Variants in GRID1 observed in about 807,000 individuals in gnomAD.
The protein encoded by GRID1 is glutamate receptor ionotropic, delta-1.
Under a neutral mutation model 98.0 loss-of-function variants are expected in GRID1, and 28 were observed. That is an observed-to-expected ratio of 0.29 (90% CI 0.21 to 0.39). GRID1 has a LOEUF of 0.39. Among genes scored for constraint, GRID1 ranks in the 10% least tolerant of loss-of-function variants. GRID1 has a pLI of 1.00. For missense variants in GRID1, 1,111 were observed against 1,340.5 expected (o/e 0.83, Z 2.67); for synonymous variants, 553 against 538.5 (o/e 1.03, Z -0.37).
At chr10:85,702,360 C>A (rs1841461273) in intron 12 of GRID1, among the ~76,000 whole-genome samples, 3 of 151,818 alleles carry the variant, frequency 2.0e-5, no homozygotes, top group Non-Finnish European at 2.9e-5. Context: ...GAAAGACAAA[C>A]CAAGGAACTC....
At chr10:85,886,741 T>TC (rs1841123327) in intron 5 of GRID1, among the ~76,000 whole-genome samples, 1 of 152,218 alleles carries the variant, frequency 6.6e-6, no homozygotes, top group African/African-American at 2.4e-5. Context: ...AGTAAGGATC[T>TC]CTTTTTTTCA....
intron 2 of GRID1, among the ~76,000 whole-genome samples, chr10:86,207,718 G>T (rs186488571): frequency 7.5e-6 from 1 of 132,906 alleles, no homozygotes; most frequent in African/African-American, 2.8e-5. Flanking sequence ...TGCAAGCTCC[G>T]CCTCCCGGGT....
chr10:85,969,272 A>G (rs1004842400), intron 4 of GRID1, among the ~76,000 whole-genome samples: 6 of 152,158 alleles, frequency 3.9e-5, no homozygotes, highest in African/African-American at 1.4e-4. Flanking sequence ...CTCACTTTCC[A>G]TAATTGGTAG....
intron 12 of GRID1, among the ~76,000 whole-genome samples, chr10:85,661,762 G>A (rs1445941808): frequency 6.6e-6 from 1 of 152,202 alleles, no homozygotes; most frequent in Non-Finnish European, 1.5e-5. Context: ...GGGATGAAAG[G>A]TAATGCACAA....
At chr10:85,881,647 G>A (rs1172395028) in intron 5 of GRID1, among the ~76,000 whole-genome samples, 1 of 152,174 alleles carries the variant, frequency 6.6e-6, no homozygotes, top group Non-Finnish European at 1.5e-5. Context: ...AGACTTAAAT[G>A]TTAGACCTAA....
At chr10:86,085,721 G>C (rs1013938862) in intron 4 of GRID1, among the ~76,000 whole-genome samples, 8 of 152,200 alleles carry the variant, frequency 5.3e-5, no homozygotes, top group African/African-American at 1.4e-4. Context: ...CCATATCCCT[G>C]GGGATCCCAG....
chr10:86,005,965 T>C (rs1842855842), intron 4 of GRID1, among the ~76,000 whole-genome samples: 1 of 152,220 alleles, frequency 6.6e-6, no homozygotes, highest in African/African-American at 2.4e-5. Flanking sequence ...TATTCAAGAT[T>C]CTGACAGAAT....
chr10:86,208,148 TC>T (rs925689373), intron 2 of GRID1, among the ~76,000 whole-genome samples: 2 of 149,482 alleles, frequency 1.3e-5, no homozygotes, highest in Admixed American at 6.7e-5. Context: ...AAGGGGAGGG[TC>T]CCCCCACACT....
intron 8 of GRID1, among the ~76,000 whole-genome samples, chr10:85,824,690 C>T (rs753877626): frequency 6.6e-6 from 1 of 151,998 alleles, no homozygotes; most frequent in South Asian, 2.1e-4. Flanking sequence ...CCCTCACCAC[C>T]CCCCCACCAC....
At position 86,313,065 on chromosome 10, in the gene GRID1, C is replaced by T. The variant is rs151082293; in HGVS notation, c.235+50876G>A. 5.4e-3 allele frequency among the ~76,000 whole-genome samples: 817 copies of T among 152,284 alleles called. 2 individuals are homozygous for T. Among genetic ancestry groups the T allele is most frequent in the Non-Finnish European group, 9.5e-3 (643 of 68,022 alleles). ...GCACAGGCTCTAGGGCTGAGAGAGG[C>T]CAGGTGGGTTGGACAGAGCCGCCAG... is the stretch of plus-strand genomic sequence containing the variant. On this transcript the variant is annotated intron_variant, in intron 2 of 15. Transcript: ENST00000327946.
rs73330525 is a variant in GRID1 at position 85,796,610 on chromosome 10, A to C, written c.1233+57886T>G. Among the ~76,000 whole-genome samples the C allele has an allele frequency of 3.6e-3, 554 of 152,282 alleles. 1 individual carries two copies. The highest frequency in any genetic ancestry group is 0.013 in the African/African-American group (520 of 41,558). On this transcript the variant is annotated intron_variant, in intron 8 of 15. Transcript: ENST00000327946. ...AATATATAATCTAGCCACTCTGAAA[A>C]TTAAGAGATCTAGATGGGCAAATCA... is the stretch of plus-strand genomic sequence containing the variant.
chr10:86,061,466 C>T (rs1446456470), intron 4 of GRID1, among the ~76,000 whole-genome samples: 5 of 152,206 alleles, frequency 3.3e-5, no homozygotes, highest in South Asian at 2.1e-4. Flanking sequence ...GCAGCCCTGC[C>T]GTCTGGCTCG....
At chr10:86,069,565 G>A (rs1486357768) in intron 4 of GRID1, among the ~76,000 whole-genome samples, 2 of 152,114 alleles carry the variant, frequency 1.3e-5, no homozygotes, top group Non-Finnish European at 2.9e-5. Flanking sequence ...GGAGAATGGC[G>A]TGAACCCGGG....
At position 85,724,568 on chromosome 10, in the gene GRID1, G is replaced by C. The variant is rs758893534; in HGVS notation, c.1642C>G (p.Pro548Ala). The change falls in exon 11 of 16, where the codon CCC (proline) becomes GCC (alanine). Residue 548 changes from proline (P) to alanine (A), a missense_variant. By Grantham distance (27) the Pro-to-Ala change is conservative. Coordinates refer to ENST00000327946, the MANE Select transcript of GRID1 (RefSeq NM_017551.3). ...GAGAAGATGCTGATTTTCTCCTCGG[G>C]CTTCTTAATTAGAATCCCCACTGAA... ...DYSVGILIKK[P>A]EEKISIFSLF... The C allele has an allele frequency of 1.9e-6, 3 of 1,613,368 alleles. No individual in the cohort carries two copies. Among genetic ancestry groups the C allele is most frequent in the Non-Finnish European group, 2.5e-6 (3 of 1,179,946 alleles).
At chr10:86,128,841 T>A (rs1054973031) in intron 4 of GRID1, among the ~76,000 whole-genome samples, 4 of 152,184 alleles carry the variant, frequency 2.6e-5, no homozygotes, top group Admixed American at 6.5e-5. Context: ...CATCAGTCAC[T>A]GGGCATGTTC....
intron 4 of GRID1, among the ~76,000 whole-genome samples, chr10:86,075,830 C>G (rs549699050): frequency 6.6e-6 from 1 of 152,292 alleles, no homozygotes; most frequent in Admixed American, 6.5e-5. Flanking sequence ...AAGGAAACTT[C>G]AGATGAAATT....
At chr10:86,117,956 T>C (rs1013923918) in intron 4 of GRID1, among the ~76,000 whole-genome samples, 23 of 152,222 alleles carry the variant, frequency 1.5e-4, no homozygotes, top group African/African-American at 5.5e-4. Context: ...CTACTAAGTA[T>C]CTACCCAAAG....
At chr10:86,209,351 T>A (rs1846076308) in intron 2 of GRID1, among the ~76,000 whole-genome samples, 2 of 152,236 alleles carry the variant, frequency 1.3e-5, no homozygotes, top group South Asian at 4.1e-4. Context: ...TCTCTTGGCG[T>A]CCTTTGTACA....
chr10:86,082,670 C>T (rs759199376), intron 4 of GRID1, among the ~76,000 whole-genome samples: 1 of 152,196 alleles, frequency 6.6e-6, no homozygotes, highest in African/African-American at 2.4e-5. Context: ...CTCCTTCACA[C>T]AACCCACAAA....
Sources: gnomAD v4.1 joint callset for allele counts (sites outside exome capture counted in the v4.1 genomes callset) on GRCh38, gnomAD v4.1.1 for gene constraint, MANE v1.5 for transcripts, NCBI Gene and HGNC (gene_info 2026-07-23, HGNC 2026-07-21) for gene names.